MTHFD1L: variants seen among roughly 807,000 people sequenced by gnomAD.
The protein encoded by MTHFD1L is monofunctional C1-tetrahydrofolate synthase, mitochondrial.
MTHFD1L carries 81 observed loss-of-function variants against 119.5 expected under a neutral mutation model. The ratio of observed to expected loss-of-function variants is 0.68; its 90% confidence interval spans 0.57 to 0.82. MTHFD1L has a LOEUF of 0.82. Ranked by LOEUF, MTHFD1L falls within the 40% of genes least tolerant of loss-of-function variation. The pLI, the probability that MTHFD1L is intolerant of heterozygous loss-of-function variation, is 0.00. For synonymous variants in MTHFD1L, 430 were observed against 475.2 expected (o/e 0.90, Z 1.24); for missense variants, 1,125 against 1,253.4 (o/e 0.90, Z 1.55).
chr6:150,891,578 T>C (rs147173557), intron 7 of MTHFD1L, among the ~76,000 whole-genome samples: 1,728 of 148,866 alleles, frequency 0.012, 25 homozygotes, highest in African/African-American at 0.04. Flanking sequence ...TATATATATA[T>C]TAGGATTCCA....
intron 7 of MTHFD1L, among the ~76,000 whole-genome samples, chr6:150,895,002 G>A (rs934411064): frequency 3.3e-5 from 5 of 152,312 alleles, no homozygotes; most frequent in African/African-American, 9.6e-5. Flanking sequence ...GGGGAAGAAC[G>A]CCTGGGCATT....
At chr6:150,997,794 A>C (rs1000587370) in intron 20 of MTHFD1L, among the ~76,000 whole-genome samples, 2 of 152,162 alleles carry the variant, frequency 1.3e-5, no homozygotes, top group African/African-American at 4.8e-5. Context: ...AAAAAAATAC[A>C]TACACTGACT....
intron 26 of MTHFD1L, among the ~76,000 whole-genome samples, chr6:151,078,422 A>G (rs1792799231): frequency 6.6e-6 from 1 of 152,204 alleles, no homozygotes; most frequent in Admixed American, 6.5e-5. Flanking sequence ...TGCATAACAA[A>G]TGAGCACACA....
intron 9 of MTHFD1L, among the ~76,000 whole-genome samples, chr6:150,919,848 A>G (rs1384260195): frequency 6.6e-6 from 1 of 152,184 alleles, no homozygotes; most frequent in Non-Finnish European, 1.5e-5. Context: ...TTGGGCAGGG[A>G]CACACATCCA....
At chr6:150,969,086 A>G (rs1797664905) in intron 19 of MTHFD1L, among the ~76,000 whole-genome samples, 1 of 151,082 alleles carries the variant, frequency 6.6e-6, no homozygotes. Context: ...TGACCTCATG[A>G]TCCACCCACC....
chr6:150,874,154 ATTTTAGTG>A (rs1780009607), intron 1 of MTHFD1L, among the ~76,000 whole-genome samples: 1 of 152,138 alleles, frequency 6.6e-6, no homozygotes, highest in Admixed American at 6.6e-5. Flanking sequence ...GGATGGATGG[ATTTTAGTG>A]CTTATTTATA....
At chr6:150,916,600 A>T (rs983608275) in intron 8 of MTHFD1L, among the ~76,000 whole-genome samples, 2 of 148,332 alleles carry the variant, frequency 1.3e-5, no homozygotes, top group Non-Finnish European at 3.0e-5. Flanking sequence ...GAGTCCTGGG[A>T]TTACAGGCGT....
chr6:150,970,874 G>A (rs1797911887), intron 19 of MTHFD1L, among the ~76,000 whole-genome samples: 1 of 152,186 alleles, frequency 6.6e-6, no homozygotes, highest in Non-Finnish European at 1.5e-5. Flanking sequence ...CATACTGGGA[G>A]TTTTAAAACC....
At chr6:150,998,995 A>AAAAAAAAAAAATGTATATATATAT in intron 20 of MTHFD1L, among the ~76,000 whole-genome samples, 1 of 143,668 alleles carries the variant, frequency 7.0e-6, no homozygotes, top group African/African-American at 2.6e-5. Context: ...GTCTTAAAAA[A>AAAAAAAAAAAATGTATATATATAT]ATATATATAC....
intron 24 of MTHFD1L, among the ~76,000 whole-genome samples, chr6:151,022,841 T>C (rs1079660): frequency 0.23 from 35,663 of 152,002 alleles, 4,499 homozygotes; most frequent in Middle Eastern, 0.3. Flanking sequence ...ACCTGTTTCT[T>C]CCCCCATGCT....
chr6:150,920,577 A>G (rs1354241041), intron 9 of MTHFD1L, among the ~76,000 whole-genome samples: 4 of 152,140 alleles, frequency 2.6e-5, no homozygotes, highest in African/African-American at 9.7e-5. Flanking sequence ...CATACATAAC[A>G]CTACTCAGTA....
intron 24 of MTHFD1L, among the ~76,000 whole-genome samples, chr6:151,023,521 G>A (rs915428435): frequency 2.0e-5 from 3 of 152,060 alleles, no homozygotes; most frequent in African/African-American, 2.4e-5. Flanking sequence ...AGACAGTTTC[G>A]AGGGATCTGC....
At chr6:150,998,995 A>AAAAAAAATGTATAT (rs986639098) in intron 20 of MTHFD1L, among the ~76,000 whole-genome samples, 6 of 143,584 alleles carry the variant, frequency 4.2e-5, no homozygotes, top group South Asian at 2.2e-4. Flanking sequence ...GTCTTAAAAA[A>AAAAAAAATGTATAT]ATATATATAC....
In MTHFD1L at chr6:150,885,698, G is replaced by A. The variant is rs1369385942; in HGVS notation, c.607G>A (p.Val203Ile). 2 of 1,613,978 alleles carry A rather than the reference G, an allele frequency of 1.2e-6. No homozygotes were observed. Among genetic ancestry groups the A allele is most frequent in the Non-Finnish European group, 1.7e-6 (2 of 1,179,920 alleles). The change falls in exon 6 of 28, where the codon GTT becomes ATT. Residue 203 changes from valine to isoleucine, a missense_variant. Coordinates refer to ENST00000367321, the MANE Select transcript of MTHFD1L (RefSeq NM_015440.5). Reference sequence around the variant, plus strand: ...TGCCCATGAATGTTTTGTTTCACCTGTTGCCAAAGCTGTAATTGAACTTCT... The same window carrying A: ...TGCCCATGAATGTTTTGTTTCACCTATTGCCAAAGCTGTAATTGAACTTCT... ...GDAHECFVSP[V>I]AKAVIELLEK...
At chr6:150,891,172 G>A (rs2128791375) in intron 7 of MTHFD1L, among the ~76,000 whole-genome samples, 1 of 152,164 alleles carries the variant, frequency 6.6e-6, no homozygotes, top group South Asian at 2.1e-4. Flanking sequence ...TTTTAGTAGA[G>A]ACAGGGTTTC....
chr6:151,028,308 A>C (rs981645849), intron 24 of MTHFD1L, among the ~76,000 whole-genome samples: 1 of 152,232 alleles, frequency 6.6e-6, no homozygotes, highest in South Asian at 2.1e-4. Flanking sequence ...AGTTGGTAAC[A>C]AAAAAATGTA....
At position 151,039,903 on chromosome 6, in the gene MTHFD1L, A is replaced by G. The variant is rs1786802587; in HGVS notation, c.2847+2786A>G. On this transcript the variant is annotated intron_variant, in intron 26 of 27. Coordinates refer to ENST00000367321, the MANE Select transcript of MTHFD1L (RefSeq NM_015440.5). This position sits in a 1 kb window ranked among gnomAD's most constrained non-coding sequence, Gnocchi z 4.4. ...GCACTTCAGCCTGGGTGACAGAGCA[A>G]GACTTCATCTCTAAATACATACATA... Among the ~76,000 whole-genome samples, 1 of 149,616 alleles carries G rather than the reference A, an allele frequency of 6.7e-6. No homozygotes were observed. Among genetic ancestry groups the G allele is most frequent in the Non-Finnish European group, 1.5e-5 (1 of 67,468 alleles).
In MTHFD1L at chr6:150,960,391, G is replaced by A. The variant is rs1283590744; in HGVS notation, c.1920G>A (p.Gly640=). ...GRMVVASDKS[G]QPVTADDLGV... ...TGGTGGTGGCCAGTGACAAAAGCGG[G>A]CAGCCTGTGACAGCAGATGATTTGG... is the stretch of plus-strand genomic sequence containing the variant. The change falls in exon 18 of 28, where the codon GGG becomes GGA. Residue 640 remains glycine (G), a synonymous_variant. Coordinates refer to ENST00000367321, the MANE Select transcript of MTHFD1L (RefSeq NM_015440.5). 6.2e-7 allele frequency: 1 copy of A among 1,612,142 alleles called. No homozygotes were observed. Among genetic ancestry groups the A allele is most frequent in the Non-Finnish European group, 8.5e-7 (1 of 1,179,078 alleles).
At chr6:150,986,622 A>G (rs1300120613) in intron 20 of MTHFD1L, among the ~76,000 whole-genome samples, 1 of 152,236 alleles carries the variant, frequency 6.6e-6, no homozygotes, top group Non-Finnish European at 1.5e-5. Flanking sequence ...GAGCTCAGGC[A>G]GTAATGCTCA....
Sources: gnomAD v4.1 joint callset for allele counts (sites outside exome capture counted in the v4.1 genomes callset) on GRCh38, gnomAD v4.1.1 for gene constraint, Gnocchi (gnomAD v3.1) non-coding constraint, MANE v1.5 for transcripts, NCBI Gene and HGNC (gene_info 2026-07-23, HGNC 2026-07-21) for gene names.